Variants in NTN4 observed in about 807,000 individuals in gnomAD.
NTN4 encodes the protein netrin 4.
In NTN4, 32 loss-of-function variants were observed where a neutral mutation model predicts 73.6. That is an observed-to-expected ratio of 0.44 (90% CI 0.33 to 0.58). NTN4 has a LOEUF of 0.58. Among genes scored for constraint, NTN4 ranks in the 20% least tolerant of loss-of-function variants. The pLI is 0.04. For missense variants in NTN4, 654 were observed against 798.3 expected, an observed-to-expected ratio of 0.82 and a Z score of 2.18; for synonymous variants, 258 against 287.5, an observed-to-expected ratio of 0.90 and a Z score of 1.04.
At chr12:95,662,803 C>T (rs760716734) in intron 9 of NTN4, among the ~76,000 whole-genome samples, 1 of 152,008 alleles carries the variant, frequency 6.6e-6, no homozygotes, top group African/African-American at 2.4e-5. Context: ...TTTAAAAATA[C>T]AATAATCAAT....
At position 95,683,833 on chromosome 12, in the gene NTN4, T is replaced by C. The variant is rs1304235532; in HGVS notation, c.1181-122A>G. The C allele has an allele frequency of 4.5e-6, 3 of 670,548 alleles. No individual in the cohort carries two copies. In the African/African-American group the frequency reaches 5.4e-5, roughly 12 times the overall value. 41.5% of individuals were successfully genotyped at this position (670,548 alleles called of 1,614,324 possible). On this transcript the variant is annotated intron_variant, in intron 5 of 9. Transcript: ENST00000343702. Reference sequence around the variant, plus strand: ...ACAGCATATTTCTGAGACTCCTTCTTTAGCCAGTGAGTGTATGCTCAGAGA... The same window carrying C: ...ACAGCATATTTCTGAGACTCCTTCTCTAGCCAGTGAGTGTATGCTCAGAGA...
At chr12:95,758,440 G>A (rs2078961884) in intron 2 of NTN4, among the ~76,000 whole-genome samples, 1 of 152,178 alleles carries the variant, frequency 6.6e-6, no homozygotes, top group Admixed American at 6.5e-5. Flanking sequence ...ATTGAGTTAT[G>A]AGTTCCTTAT....
chr12:95,695,493 T>C (rs893706524), intron 5 of NTN4, among the ~76,000 whole-genome samples: 4 of 152,132 alleles, frequency 2.6e-5, no homozygotes. Flanking sequence ...GCCTCCTGAG[T>C]AGCTGGGGTT....
At chr12:95,749,573 C>T (rs144639767) in intron 2 of NTN4, among the ~76,000 whole-genome samples, 103 of 152,274 alleles carry the variant, frequency 6.8e-4, no homozygotes, top group African/African-American at 1.9e-3. Flanking sequence ...ACATTTTATC[C>T]GTGCACCCAA....
At chr12:95,699,508 G>A (rs1391236567) in intron 5 of NTN4, among the ~76,000 whole-genome samples, 1 of 152,114 alleles carries the variant, frequency 6.6e-6, no homozygotes, top group African/African-American at 2.4e-5. Flanking sequence ...AGAGCATCAT[G>A]AGAAGGGGCT....
chr12:95,753,146 C>T (rs924259517), intron 2 of NTN4, among the ~76,000 whole-genome samples: 20 of 152,144 alleles, frequency 1.3e-4, no homozygotes, highest in African/African-American at 2.7e-4. Context: ...GATTTATTGA[C>T]GGCAGTTCCA....
At chr12:95,691,768 A>T (rs952887215) in intron 5 of NTN4, among the ~76,000 whole-genome samples, 4 of 152,088 alleles carry the variant, frequency 2.6e-5, no homozygotes, top group African/African-American at 9.7e-5. Context: ...TCTTTTCGTT[A>T]TAATTTTTAG....
chr12:95,672,396 C>T (rs1415476144), intron 7 of NTN4: 5 of 982,188 alleles, frequency 5.1e-6, no homozygotes, highest in Non-Finnish European at 8.3e-6. Context: ...CGACCTGAGC[C>T]CGGCAGGCCA....
intron 9 of NTN4, among the ~76,000 whole-genome samples, chr12:95,662,808 A>T (rs2078148742): frequency 6.6e-6 from 1 of 152,222 alleles, no homozygotes. Context: ...AAATACAATA[A>T]TCAATTTTTA....
chr12:95,748,592 T>G (rs2078879994), intron 2 of NTN4, among the ~76,000 whole-genome samples: 1 of 150,120 alleles, frequency 6.7e-6, no homozygotes, highest in African/African-American at 2.4e-5. Flanking sequence ...TGCCTCAGCC[T>G]CCAGAGTAGC....
At chr12:95,688,151 T>C (rs1034849228) in intron 5 of NTN4, among the ~76,000 whole-genome samples, 1 of 152,290 alleles carries the variant, frequency 6.6e-6, no homozygotes, top group Admixed American at 6.5e-5. Flanking sequence ...TTGGAGGCAT[T>C]GTATAGACTA....
At chr12:95,731,004 A>T (rs1382628723) in intron 3 of NTN4, among the ~76,000 whole-genome samples, 2 of 152,150 alleles carry the variant, frequency 1.3e-5, no homozygotes, top group Non-Finnish European at 2.9e-5. Context: ...TCCTAATAAA[A>T]CCATAGATAT....
intron 7 of NTN4, among the ~76,000 whole-genome samples, chr12:95,674,692 T>C (rs940653026): frequency 3.3e-5 from 5 of 152,220 alleles, no homozygotes; most frequent in Non-Finnish European, 5.9e-5. Flanking sequence ...GGGAGGTATA[T>C]AGGTAGGTAG....
chr12:95,778,304 C>T (rs2079108723), intron 2 of NTN4, among the ~76,000 whole-genome samples: 1 of 151,972 alleles, frequency 6.6e-6, no homozygotes, highest in Non-Finnish European at 1.5e-5. Context: ...CAAGAAATAA[C>T]TAAGATCAGA....
At position 95,787,107 on chromosome 12, in the gene NTN4, C is replaced by A. The variant is rs7971224; in HGVS notation, c.417G>T (p.Pro139=). The change falls in exon 2 of 10, where the codon CCG becomes CCT. Residue 139 remains proline (P), a synonymous_variant. Transcript: ENST00000343702. ...GGGAGCGGTCCAGCACCATGGCAGC[C>A]GGCCTGGGGGACTTGAACATCACAA... is the stretch of plus-strand genomic sequence containing the variant. ...HLIVMFKSPR[P]AAMVLDRSQD... 1.2e-6 allele frequency: 2 copies of A among 1,614,034 alleles called. No individual in the cohort carries two copies. Among genetic ancestry groups the A allele is most frequent in the Non-Finnish European group, 1.7e-6 (2 of 1,180,040 alleles).
intron 2 of NTN4, among the ~76,000 whole-genome samples, chr12:95,748,283 A>G (rs2078877330): frequency 6.6e-6 from 1 of 151,272 alleles, no homozygotes; most frequent in South Asian, 2.1e-4. Flanking sequence ...AATATTAATC[A>G]GCTTATTATT....
At chr12:95,768,764 C>T (rs540507469) in intron 2 of NTN4, among the ~76,000 whole-genome samples, 23 of 152,180 alleles carry the variant, frequency 1.5e-4, no homozygotes, top group African/African-American at 4.3e-4. Flanking sequence ...GCCACAATTA[C>T]GCAGAAGAAA....
At chr12:95,783,800 T>C (rs943951893) in intron 2 of NTN4, among the ~76,000 whole-genome samples, 5 of 152,236 alleles carry the variant, frequency 3.3e-5, no homozygotes, top group African/African-American at 1.2e-4. Flanking sequence ...TTTAGGAAGT[T>C]TCTATATAGC....
chr12:95,757,701 AG>A (rs1361482215), intron 2 of NTN4, among the ~76,000 whole-genome samples: 2 of 150,286 alleles, frequency 1.3e-5, no homozygotes, highest in East Asian at 1.9e-4. Context: ...AAAAAAAAAA[AG>A]ATCCGTGAGC....
Sources: allele counts gnomAD v4.1 joint callset (sites outside exome capture counted in the v4.1 genomes callset), GRCh38; gene constraint gnomAD v4.1.1; transcripts MANE v1.5; gene names NCBI Gene and HGNC (gene_info 2026-07-23, HGNC 2026-07-21).